The following RPGRIP1 variants were observed in gnomAD, a reference collection of about 807,000 sequenced individuals.
RPGRIP1 encodes RPGR interacting protein 1.
A neutral mutation model predicts 157.9 loss-of-function variants in RPGRIP1; 128 were observed. The observed-to-expected ratio is 0.81, with a 90% CI of 0.70 to 0.94. The LOEUF is 0.94. Ranked by LOEUF, RPGRIP1 falls within the 40% of genes least tolerant of loss-of-function variation. RPGRIP1 has a pLI of 0.00. For synonymous variants in RPGRIP1, 554 were observed against 571.6 expected, an observed-to-expected ratio of 0.97 and a Z score of 0.44; for missense variants, 1,486 against 1,545.8, an observed-to-expected ratio of 0.96 and a Z score of 0.65.
intron 4 of RPGRIP1, among the ~76,000 whole-genome samples, chr14:21,301,567 T>C (rs553169722): frequency 4.6e-5 from 7 of 151,900 alleles, no homozygotes; most frequent in Non-Finnish European, 1.0e-4. Context: ...GTCCCAGTTA[T>C]TCGAGAGATT....
chr14:21,295,478 A>ATTTTTTTTTTTTTTTTTTTTTTTG (rs11342361), intron 3 of RPGRIP1, among the ~76,000 whole-genome samples: 1 of 116,516 alleles, frequency 8.6e-6, no homozygotes, highest in East Asian at 2.8e-4. Flanking sequence ...TATTTTTGAG[A>ATTTTTTTTTTTTTTTTTTTTTTTG]TTTTTTTTTT....
chr14:21,325,723 G>T lies in RPGRIP1; in HGVS notation c.2368-108G>T, dbSNP rs942303381. On this transcript the variant is annotated intron_variant, in intron 16 of 24. Transcript: ENST00000400017. ...ATTAGGTTTCTTCCTGATCCAGTTG[G>T]GATAGCTGTTCTCTAGATCATAGCT... 5.1e-5 allele frequency: 42 copies of T among 823,026 alleles called. No individual in the cohort carries two copies. In the South Asian group the frequency reaches 7.8e-4, roughly 15 times the overall value. 51.0% of individuals were successfully genotyped at this position (823,026 alleles called of 1,614,324 possible). A position where few individuals can be genotyped will look rare whatever the true frequency, so the allele number is the denominator to read the frequency against.
intron 7 of RPGRIP1, among the ~76,000 whole-genome samples, chr14:21,308,730 G>C (rs989599998): frequency 3.3e-5 from 5 of 152,218 alleles, no homozygotes; most frequent in Non-Finnish European, 7.3e-5. Flanking sequence ...GACAGAGGGA[G>C]AAGGACTCCA....
rs372186092 is a variant in RPGRIP1, at chr14:21,317,741, C to A, written c.1197C>A (p.Asn399Lys). The A allele has an allele frequency of 3.8e-6, 6 of 1,591,356 alleles. No homozygotes were observed. Among genetic ancestry groups the A allele is most frequent in the African/African-American group, 1.3e-5 (1 of 74,598 alleles). The change falls in exon 11 of 25, where the codon AAC (asparagine) becomes AAA (lysine). Residue 399 changes from asparagine (N) to lysine (K), a missense_variant. Coordinates refer to ENST00000400017, the MANE Select transcript of RPGRIP1 (RefSeq NM_020366.4). Reference protein sequence around the residue: ...SDSSSQPHWSNELIAEQLQQQ... With the variant: ...SDSSSQPHWSKELIAEQLQQQ... ...GCTCCAGTCAGCCCCACTGGAGCAA[C>A]GAGCTCATAGCGGAACAGCTACAGC...
At chr14:21,349,068 A>ATT (rs397709409) in intron 24 of RPGRIP1, among the ~76,000 whole-genome samples, 7,119 of 113,360 alleles carry the variant, frequency 0.063, 766 homozygotes, top group Admixed American at 0.14. Context: ...CCTTACTACA[A>ATT]TTTTTTTTTT....
intron 10 of RPGRIP1, 67 bp from the exon 11 acceptor site, chr14:21,317,608 AGGTCCAGGAGATGCTGAAACT>A (rs1364912948): frequency 6.5e-6 from 10 of 1,548,706 alleles, no homozygotes; most frequent in Non-Finnish European, 7.8e-6. Context: ...ATGAGGAACT[AGGTCCAGGAGATGCTGAAACT>A]GGATAATAAA....
chr14:21,312,104 C>A, intron 9 of RPGRIP1, 134 bp downstream of exon 9: 1 of 797,634 alleles, frequency 1.3e-6, no homozygotes, highest in Non-Finnish European at 2.0e-6. Flanking sequence ...AAATCATTTG[C>A]TTAAGATTAC....
At chr14:21,302,647 T>C in intron 5 of RPGRIP1, 63 bp downstream of exon 5, 1 of 1,043,702 alleles carries the variant, frequency 9.6e-7, no homozygotes, top group Non-Finnish European at 1.4e-6. Context: ...AGACATCATT[T>C]AGGGAACAAA....
At chr14:21,349,317 T>G (rs1808589299) in intron 24 of RPGRIP1, among the ~76,000 whole-genome samples, 1 of 151,176 alleles carries the variant, frequency 6.6e-6, no homozygotes, top group Admixed American at 6.6e-5. Flanking sequence ...CAATCCACCC[T>G]CTTTTGCCTC....
At chr14:21,299,303 A>AT (rs879754554) in intron 3 of RPGRIP1, among the ~76,000 whole-genome samples, 63 of 145,318 alleles carry the variant, frequency 4.3e-4, no homozygotes, top group Middle Eastern at 3.6e-3. Context: ...CAAAGGGCCG[A>AT]TTTTTTTTTT....
intron 14 of RPGRIP1, 40 bp from the exon 15 acceptor site, chr14:21,324,578 C>T: frequency 3.2e-6 from 5 of 1,540,312 alleles, no homozygotes; most frequent in Non-Finnish European, 4.5e-6. Flanking sequence ...GAAAGAGCTC[C>T]CTACCCTTTA....
At chr14:21,295,249 A>C (rs8009098) in intron 3 of RPGRIP1, among the ~76,000 whole-genome samples, 128,977 of 151,954 alleles carry the variant, frequency 0.85, 54,974 homozygotes, top group Middle Eastern at 0.93. Flanking sequence ...TTGGGTGATA[A>C]TATTTCAGTC....
chr14:21,310,622 T>A lies in RPGRIP1; in HGVS notation c.930+15T>A. On this transcript the variant is annotated intron_variant, in intron 8 of 24. Coordinates refer to ENST00000400017, the MANE Select transcript of RPGRIP1 (RefSeq NM_020366.4). Reference sequence around the variant, plus strand: ...TGCTCCAGAAGGTACTTAATGAGAATTGAGTCTCTGTTTCTTAGTAACCAG... The same window carrying A: ...TGCTCCAGAAGGTACTTAATGAGAAATGAGTCTCTGTTTCTTAGTAACCAG... 6.9e-7 allele frequency: 1 copy of A among 1,445,346 alleles called. No homozygotes were observed. The highest frequency in any genetic ancestry group is 9.4e-7 in the Non-Finnish European group (1 of 1,060,608). The allele number at this position is 1,445,346 out of a possible 1,614,324, so 89.5% of individuals were successfully genotyped here.
chr14:21,315,209 A>G (rs1881722776), intron 10 of RPGRIP1, among the ~76,000 whole-genome samples: 1 of 152,048 alleles, frequency 6.6e-6, no homozygotes, highest in Non-Finnish European at 1.5e-5. Flanking sequence ...AAAAGTTTTT[A>G]AAACTTAAAA....
chr14:21,310,589 C>T lies in RPGRIP1; in HGVS notation c.912C>T (p.Tyr304=), dbSNP rs568372341. The part of the protein sequence containing the change: ...KAQLTEVQEA[Y]ETLLQKNQGI... The stretch of plus-strand genomic sequence containing the variant: ...TAATAATTTCTTTCTTCCAGGCATA[C>T]GAAACCTTGCTCCAGAAGGTACTTA... The change falls in exon 8 of 25, where the codon TAC becomes TAT. Residue 304 remains tyrosine, a synonymous_variant. Transcript: ENST00000400017. 10 of 1,442,922 alleles carry T rather than the reference C, an allele frequency of 6.9e-6. No homozygotes were observed. In the African/African-American group the frequency reaches 7.2e-5, roughly 10 times the overall value. 89.4% of individuals were successfully genotyped at this position (1,442,922 alleles called of 1,614,324 possible).
chr14:21,293,229 C>A (rs752047968), intron 2 of RPGRIP1, among the ~76,000 whole-genome samples: 1 of 152,144 alleles, frequency 6.6e-6, no homozygotes, highest in Non-Finnish European at 1.5e-5. Context: ...GGCCAGTGAA[C>A]ACTCACAATG....
At chr14:21,343,283 GAGGGTC>G in intron 22 of RPGRIP1, 55 bp downstream of exon 22, 2 of 1,360,440 alleles carry the variant, frequency 1.5e-6, no homozygotes, top group Non-Finnish European at 2.0e-6. Flanking sequence ...CATTGAGACT[GAGGGTC>G]AGAATTACTC....
In RPGRIP1 at chr14:21,302,361, A is replaced by G. The variant is rs143220434; in HGVS notation, c.491-127A>G. The G allele has an allele frequency of 2.3e-3, 1,049 of 450,708 alleles. 10 individuals carry two copies. The highest frequency in any genetic ancestry group is 0.018 in the African/African-American group (890 of 49,800). The allele number at this position is 450,708 out of a possible 1,614,324, so 27.9% of individuals were successfully genotyped here. ...AAAAAAAAACTGCTCCTCGGGGACC[A>G]TTTGTCATACAAGGGTTTCACCCAG... is the stretch of plus-strand genomic sequence containing the variant. On this transcript the variant is annotated intron_variant, in intron 4 of 24. Transcript: ENST00000400017.
In RPGRIP1 at chr14:21,286,172, G is replaced by A. The variant is rs185996964; in HGVS notation, c.-38-1767G>A. Among the ~76,000 whole-genome samples, 73 of 152,086 alleles carry A rather than the reference G, an allele frequency of 4.8e-4. 1 individual carries two copies. The East Asian group carries it at 0.013, about 27-fold the overall frequency. On this transcript the variant is annotated intron_variant, in intron 1 of 24. Transcript: ENST00000400017. ...GCCCGGCTAATTTTTTGTATTTTTA[G>A]TGGAGACAGGGTTTCACCATGTTGG...
Sources: gnomAD v4.1 joint callset for allele counts (sites outside exome capture counted in the v4.1 genomes callset) on GRCh38, gnomAD v4.1.1 for gene constraint, MANE v1.5 for transcripts, NCBI Gene and HGNC (gene_info 2026-07-23, HGNC 2026-07-21) for gene names.